EDAR: variants seen among roughly 807,000 people sequenced by gnomAD.
The protein encoded by EDAR is ectodysplasin A receptor.
In EDAR, 38 loss-of-function variants were observed where a neutral mutation model predicts 51.3. The observed-to-expected ratio is 0.74, with a 90% CI of 0.57 to 0.97. EDAR has a LOEUF of 0.97. EDAR is among the 50% of genes least tolerant of loss of function. The pLI is 0.00. For missense variants in EDAR, 528 were observed against 595.0 expected (o/e 0.89, Z 1.17); for synonymous variants, 227 against 242.1 (o/e 0.94, Z 0.58).
chr2:108,984,431 C>T (rs1698464401), intron 1 of EDAR, among the ~76,000 whole-genome samples: 1 of 152,162 alleles, frequency 6.6e-6, no homozygotes, highest in African/African-American at 2.4e-5. Flanking sequence ...GCCCAGCCCC[C>T]TTGCCACGGC....
chr2:108,929,531 C>A (rs1022051476), intron 3 of EDAR, 152 bp from the exon 4 acceptor site: 3 of 794,966 alleles, frequency 3.8e-6, no homozygotes, highest in Non-Finnish European at 4.2e-6. Context: ...ACTGCAAAAC[C>A]CCCCAGGAAC....
In EDAR at chr2:108,975,464, C is replaced by T. The variant is rs1305604869; in HGVS notation, c.-19+13496G>A. ...CAGCACATGAGAGCAAGACCTGCGT[C>T]TACTTTAACCTGGGACCCTAGCCTG... On this transcript the variant is annotated intron_variant, in intron 1 of 11. Coordinates refer to ENST00000258443, the MANE Select transcript of EDAR (RefSeq NM_022336.4). Among the ~76,000 whole-genome samples, 2 of 152,164 alleles carry T rather than the reference C, an allele frequency of 1.3e-5. 1 individual carries two copies. The highest frequency in any genetic ancestry group is 2.9e-5 in the Non-Finnish European group (2 of 68,034).
At chr2:108,907,383 C>T (rs1696828124) in intron 10 of EDAR, among the ~76,000 whole-genome samples, 1 of 152,250 alleles carries the variant, frequency 6.6e-6, no homozygotes, top group South Asian at 2.1e-4. Flanking sequence ...TGGTAGCTCA[C>T]ACCTGTAATC....
intron 1 of EDAR, among the ~76,000 whole-genome samples, chr2:108,941,095 T>C (rs1697584795): frequency 6.6e-6 from 1 of 152,206 alleles, no homozygotes; most frequent in South Asian, 2.1e-4. Context: ...TTCATATACA[T>C]GGAATCGGGC....
intron 1 of EDAR, among the ~76,000 whole-genome samples, chr2:108,935,772 C>T (rs891953221): frequency 4.6e-5 from 7 of 152,180 alleles, no homozygotes; most frequent in African/African-American, 9.6e-5. Context: ...GCCCTAAGGA[C>T]GGTGCCAGAC....
intron 3 of EDAR, among the ~76,000 whole-genome samples, 200 bp downstream of exon 3, chr2:108,929,920 T>G (rs967785190): frequency 2.0e-5 from 3 of 152,230 alleles, no homozygotes; most frequent in Non-Finnish European, 2.9e-5. Flanking sequence ...AAAATCTGTT[T>G]ATGAATGCTT....
At chr2:108,914,980 T>C (rs1466112011) in intron 5 of EDAR, among the ~76,000 whole-genome samples, 1 of 152,244 alleles carries the variant, frequency 6.6e-6, no homozygotes, top group East Asian at 1.9e-4. Flanking sequence ...TGGCACGATC[T>C]TGGCTCACTG....
chr2:108,942,236 C>T (rs892260760), intron 1 of EDAR, among the ~76,000 whole-genome samples: 8 of 152,302 alleles, frequency 5.3e-5, no homozygotes, highest in African/African-American at 1.7e-4. Context: ...GAGTCAATGG[C>T]GGCTCAGAGA....
intron 1 of EDAR, among the ~76,000 whole-genome samples, chr2:108,987,762 G>T (rs1039703814): frequency 1.3e-5 from 2 of 152,160 alleles, no homozygotes; most frequent in Middle Eastern, 3.2e-3. Flanking sequence ...GCCGTGAAGG[G>T]TACACGTGGA....
intron 1 of EDAR, among the ~76,000 whole-genome samples, chr2:108,932,782 C>T (rs1393709955): frequency 6.6e-6 from 1 of 152,148 alleles, no homozygotes; most frequent in Non-Finnish European, 1.5e-5. Flanking sequence ...GTTTTTAACA[C>T]ATAAACCGTG....
intron 1 of EDAR, among the ~76,000 whole-genome samples, chr2:108,988,247 C>T (rs1465390841): frequency 1.3e-5 from 2 of 152,184 alleles, no homozygotes; most frequent in Admixed American, 6.5e-5. Context: ...CCCAGCCACC[C>T]GCTTCTCCCT....
chr2:108,949,054 T>G (rs1234981617), intron 1 of EDAR, among the ~76,000 whole-genome samples: 2 of 152,210 alleles, frequency 1.3e-5, no homozygotes, highest in African/African-American at 4.8e-5. Flanking sequence ...ATGGCTTCAC[T>G]GCAGTCTCGA....
rs746557228 is a variant in EDAR, at chr2:108,896,667, A to C, written c.*240T>G. On this transcript the variant is annotated 3_prime_UTR_variant, in exon 12 of 12. Coordinates refer to ENST00000258443, the MANE Select transcript of EDAR (RefSeq NM_022336.4). Reference sequence around the variant, plus strand: ...GTGGGCTGGCTGTATGAGTGAGTAGATATTTACTCTGCCTGGTGAGGTACA... The same window carrying C: ...GTGGGCTGGCTGTATGAGTGAGTAGCTATTTACTCTGCCTGGTGAGGTACA... 1 of 546,448 alleles carries C rather than the reference A, an allele frequency of 1.8e-6. No homozygotes were observed. The highest frequency in any genetic ancestry group is 1.9e-5 in the African/African-American group (1 of 53,068). 33.8% of individuals were successfully genotyped at this position (546,448 alleles called of 1,614,324 possible). A position where few individuals can be genotyped will look rare whatever the true frequency, so the allele number is the denominator to read the frequency against.
At chr2:108,975,824 G>A (rs1430308579) in intron 1 of EDAR, among the ~76,000 whole-genome samples, 3 of 152,144 alleles carry the variant, frequency 2.0e-5, no homozygotes, top group African/African-American at 7.2e-5. Context: ...GAACGAGCTC[G>A]AGAAGTCAAG....
At chr2:108,938,072 T>C (rs1697510737) in intron 1 of EDAR, among the ~76,000 whole-genome samples, 2 of 152,222 alleles carry the variant, frequency 1.3e-5, no homozygotes, top group Admixed American at 6.5e-5. Context: ...CTAATACAAA[T>C]AAGCATGTCC....
intron 1 of EDAR, among the ~76,000 whole-genome samples, chr2:108,979,577 T>G (rs1291215979): frequency 6.6e-6 from 1 of 152,004 alleles, no homozygotes; most frequent in Non-Finnish European, 1.5e-5. Flanking sequence ...AGGTGGCGGC[T>G]GGGGACTTGG....
chr2:108,921,074 C>G (rs1324860342), intron 5 of EDAR, among the ~76,000 whole-genome samples: 1 of 152,208 alleles, frequency 6.6e-6, no homozygotes, highest in Admixed American at 6.5e-5. Flanking sequence ...TCATAAGAAA[C>G]CCCCAGGGTG....
At chr2:108,971,122 G>T (rs951348058) in intron 1 of EDAR, among the ~76,000 whole-genome samples, 2 of 152,126 alleles carry the variant, frequency 1.3e-5, no homozygotes, top group Admixed American at 6.5e-5. Context: ...CCTGGTGCCT[G>T]GACCACATCC....
intron 2 of EDAR, 140 bp downstream of exon 2, chr2:108,930,824 G>C: frequency 1.0e-6 from 1 of 952,540 alleles, no homozygotes; most frequent in Non-Finnish European, 1.7e-6. Context: ...TGCAGGCCTG[G>C]TTTCATTTCA....
Sources: allele counts gnomAD v4.1 joint callset (sites outside exome capture counted in the v4.1 genomes callset), GRCh38; gene constraint gnomAD v4.1.1; transcripts MANE v1.5; gene names NCBI Gene and HGNC (gene_info 2026-07-23, HGNC 2026-07-21).